HAPLN1: variants seen among roughly 807,000 people sequenced by gnomAD.
HAPLN1 encodes the protein hyaluronan and proteoglycan link protein 1.
In HAPLN1, 13 loss-of-function variants were observed where a neutral mutation model predicts 36.5. The observed-to-expected ratio is 0.36, with a 90% CI of 0.23 to 0.57. The LOEUF (loss-of-function observed/expected upper bound fraction) is 0.57. Among genes scored for constraint, HAPLN1 ranks in the 20% least tolerant of loss-of-function variants. The pLI, the probability that HAPLN1 is intolerant of heterozygous loss-of-function variation, is 0.83. For missense variants in HAPLN1, 407 were observed against 439.7 expected, an observed-to-expected ratio of 0.93 and a Z score of 0.66; for synonymous variants, 202 against 169.8, an observed-to-expected ratio of 1.19 and a Z score of -1.48.
intron 2 of HAPLN1, among the ~76,000 whole-genome samples, chr5:83,658,964 A>G (rs893514015): frequency 6.6e-6 from 1 of 152,034 alleles, no homozygotes; most frequent in African/African-American, 2.4e-5. Flanking sequence ...TTGTGCCCTC[A>G]CCTACTTTAT....
At chr5:83,710,345 G>A (rs923484576) in intron 1 of HAPLN1, among the ~76,000 whole-genome samples, 1 of 152,132 alleles carries the variant, frequency 6.6e-6, no homozygotes, top group Non-Finnish European at 1.5e-5. Flanking sequence ...AAAGAATGAC[G>A]CCACAAAGCC....
intron 1 of HAPLN1, among the ~76,000 whole-genome samples, chr5:83,697,810 G>A (rs1319591923): frequency 3.9e-5 from 6 of 152,090 alleles, no homozygotes; most frequent in Admixed American, 3.9e-4. Context: ...GTCTCTTGAT[G>A]TGCTAATTGG....
At chr5:83,716,464 C>T (rs558225608) in intron 1 of HAPLN1, among the ~76,000 whole-genome samples, 45 of 152,204 alleles carry the variant, frequency 3.0e-4, no homozygotes, top group Non-Finnish European at 5.0e-4. Context: ...CCTGTTAAGC[C>T]GTAAAACAAT....
intron 1 of HAPLN1, among the ~76,000 whole-genome samples, chr5:83,689,531 T>G (rs1941962269): frequency 6.6e-6 from 1 of 151,974 alleles, no homozygotes; most frequent in African/African-American, 2.4e-5. Context: ...GGAATTAGAG[T>G]GCCCACAAAA....
chr5:83,683,611 C>T (rs1023039967), intron 1 of HAPLN1, among the ~76,000 whole-genome samples: 7 of 152,148 alleles, frequency 4.6e-5, no homozygotes, highest in Non-Finnish European at 8.8e-5. Context: ...TACACAGATA[C>T]ATTTAGATCT....
chr5:83,683,795 C>T (rs918379317), intron 1 of HAPLN1, among the ~76,000 whole-genome samples: 12 of 152,144 alleles, frequency 7.9e-5, no homozygotes, highest in African/African-American at 2.9e-4. Flanking sequence ...CAAAGTAAGT[C>T]TTAGTGAGCA....
intron 2 of HAPLN1, among the ~76,000 whole-genome samples, chr5:83,671,019 C>T (rs1580138725): frequency 6.6e-6 from 1 of 151,838 alleles, no homozygotes; most frequent in Admixed American, 6.6e-5. Flanking sequence ...TTTTTAATAT[C>T]CAGATTAAAC....
chr5:83,719,603 TA>T, intron 1 of HAPLN1, among the ~76,000 whole-genome samples: 1 of 152,230 alleles, frequency 6.6e-6, no homozygotes, highest in Admixed American at 6.5e-5. Flanking sequence ...TGGAATTTGT[TA>T]ACTGATATAA....
chr5:83,692,702 A>G (rs930432079), intron 1 of HAPLN1, among the ~76,000 whole-genome samples: 1 of 151,928 alleles, frequency 6.6e-6, no homozygotes, highest in African/African-American at 2.4e-5. Context: ...CACTGACTAT[A>G]CTAACTATAA....
rs1751352912 is a variant in HAPLN1, at chr5:83,694,719, AT to A, written c.-26-21171del. 3.3e-5 allele frequency among the ~76,000 whole-genome samples: 5 copies of A among 152,194 alleles called. No homozygotes were observed. In the South Asian group the frequency reaches 8.3e-4, roughly 25 times the overall value. On this transcript the variant is annotated intron_variant, in intron 1 of 4. Transcript: ENST00000274341. The stretch of plus-strand genomic sequence containing the variant: ...CAAATAGCCTGAATGCCCTATATCT[AT>A]TTTTTAAAAATCAAATTTTTAGTTT...
At chr5:83,708,543 A>T (rs1330449203) in intron 1 of HAPLN1, among the ~76,000 whole-genome samples, 1 of 152,202 alleles carries the variant, frequency 6.6e-6, no homozygotes, top group African/African-American at 2.4e-5. Flanking sequence ...AGGGAACAAT[A>T]GACAATGGGG....
intron 1 of HAPLN1, among the ~76,000 whole-genome samples, chr5:83,687,803 A>G (rs1751168508): frequency 6.6e-6 from 1 of 152,158 alleles, no homozygotes. Context: ...GGAATATCCC[A>G]TTGTTTTTGC....
At position 83,638,653 on chromosome 5, in the gene HAPLN1, A is replaced by G. The variant is rs565388658; in HGVS notation, c.*2843T>C. ...GAGTCTACTTCTAATTGCCAAAATA[A>G]AAAGTGACTATATTGTTGCATAAAA... On this transcript the variant is annotated 3_prime_UTR_variant, in exon 5 of 5. Coordinates refer to ENST00000274341, the MANE Select transcript of HAPLN1 (RefSeq NM_001884.4). The G allele has an allele frequency of 6.6e-6, 1 of 152,164 alleles. No individual in the cohort carries two copies. Among genetic ancestry groups the G allele is most frequent in the South Asian group, 2.1e-4 (1 of 4,824 alleles). The allele number at this position is 152,164 out of a possible 1,614,324, so 9.4% of individuals were successfully genotyped here. A position where few individuals can be genotyped will look rare whatever the true frequency, so the allele number is the denominator to read the frequency against.
rs184204605 is a variant in HAPLN1 at position 83,687,086 on chromosome 5, A to G, written c.-26-13537T>C. Among the ~76,000 whole-genome samples, 35 of 152,346 alleles carry G rather than the reference A, an allele frequency of 2.3e-4. No homozygotes were observed. In the East Asian group the frequency reaches 6.4e-3, roughly 28 times the overall value. ...ACGAAATATGTAAAACAAAACTGAT[A>G]TAAGGAAGAGCAAGTGGTATTTATA... On this transcript the variant is annotated intron_variant, in intron 1 of 4. Coordinates refer to ENST00000274341, the MANE Select transcript of HAPLN1 (RefSeq NM_001884.4).
At chr5:83,705,052 C>A (rs1326645646) in intron 1 of HAPLN1, among the ~76,000 whole-genome samples, 2 of 152,112 alleles carry the variant, frequency 1.3e-5, no homozygotes, top group Non-Finnish European at 2.9e-5. Context: ...TCATACCAAA[C>A]ACACTCTCAG....
intron 1 of HAPLN1, among the ~76,000 whole-genome samples, chr5:83,708,254 C>T (rs1401178971): frequency 6.6e-6 from 1 of 152,158 alleles, no homozygotes; most frequent in Non-Finnish European, 1.5e-5. Flanking sequence ...ATAAAGATAC[C>T]TGCACACGTA....
At chr5:83,705,657 T>G (rs984813956) in intron 1 of HAPLN1, among the ~76,000 whole-genome samples, 7 of 151,778 alleles carry the variant, frequency 4.6e-5, no homozygotes, top group Non-Finnish European at 8.8e-5. Flanking sequence ...ACATCACAAC[T>G]GAAAGAATTA....
intron 1 of HAPLN1, chr5:83,674,837 C>T (rs1024114165): frequency 8.5e-5 from 13 of 152,246 alleles, no homozygotes; most frequent in African/African-American, 2.9e-4. Flanking sequence ...CAAGTCTCTT[C>T]TGAGACTGAA....
intron 1 of HAPLN1, among the ~76,000 whole-genome samples, chr5:83,677,903 T>C (rs1750895458): frequency 6.6e-6 from 1 of 152,162 alleles, no homozygotes; most frequent in Non-Finnish European, 1.5e-5. Context: ...TGGAATGAGT[T>C]CAGGAGTCAC....
Sources: gnomAD v4.1 joint callset for allele counts (sites outside exome capture counted in the v4.1 genomes callset) on GRCh38, gnomAD v4.1.1 for gene constraint, MANE v1.5 for transcripts, NCBI Gene and HGNC (gene_info 2026-07-23, HGNC 2026-07-21) for gene names.